RIPOR2: variants seen among roughly 807,000 people sequenced by gnomAD.
RIPOR2 encodes RHO family interacting cell polarization regulator 2.
A neutral mutation model predicts 114.5 loss-of-function variants in RIPOR2; 39 were observed. The ratio of observed to expected loss-of-function variants is 0.34; its 90% CI spans 0.26 to 0.44. RIPOR2 has a LOEUF of 0.44. RIPOR2 is among the 20% of genes least tolerant of loss of function. The pLI, the probability that RIPOR2 is intolerant of heterozygous loss-of-function variation, is 1.00. For synonymous variants in RIPOR2, 445 were observed against 484.4 expected (o/e 0.92, Z 1.07); for missense variants, 1,007 against 1,255.1 (o/e 0.80, Z 2.99).
intron 1 of RIPOR2, among the ~76,000 whole-genome samples, chr6:24,923,063 C>A (rs1228077993): frequency 6.6e-6 from 1 of 152,062 alleles, no homozygotes; most frequent in Non-Finnish European, 1.5e-5. Context: ...CTCTGGCAAC[C>A]ACCGTCTATT....
At chr6:24,930,905 A>G (rs1261043104) in intron 1 of RIPOR2, among the ~76,000 whole-genome samples, 1 of 152,226 alleles carries the variant, frequency 6.6e-6, no homozygotes. Context: ...AAGATTCAGC[A>G]TAGTTAAATA....
chr6:24,830,478 C>T (rs1760581524), intron 17 of RIPOR2, 31 bp downstream of exon 17: 1 of 1,540,390 alleles, frequency 6.5e-7, no homozygotes, highest in African/African-American at 1.4e-5. Context: ...CACTGAAGGA[C>T]AGAAATTCTC....
At position 24,925,874 on chromosome 6, in the gene RIPOR2, C is replaced by T. The variant is rs1215169484; in HGVS notation, c.61+9964G>A. ...GATTCTATTCACTCTTTCTCTGTCC[C>T]ATGTACATGTAGTATTATTATGAAG... On this transcript the variant is annotated intron_variant, in intron 1 of 21. Transcript: ENST00000643898. Among the ~76,000 whole-genome samples, 6 of 152,130 alleles carry T rather than the reference C, an allele frequency of 3.9e-5. No homozygotes were observed. The South Asian group carries it at 8.3e-4, about 21-fold the overall frequency.
chr6:24,810,589 G>A (rs150299456), intron 20 of RIPOR2, among the ~76,000 whole-genome samples: 250 of 152,254 alleles, frequency 1.6e-3, no homozygotes, highest in African/African-American at 5.2e-3. Context: ...TGGTCCTCAA[G>A]AATTTACAGT....
At chr6:25,033,738 C>T (rs532946934) in intron 1 of RIPOR2, among the ~76,000 whole-genome samples, 35 of 152,350 alleles carry the variant, frequency 2.3e-4, no homozygotes, top group South Asian at 1.4e-3. Flanking sequence ...GCTCCCAACA[C>T]ATCCTGTAGG....
intron 1 of RIPOR2, chr6:24,929,432 C>T (rs901868321): frequency 9.9e-5 from 15 of 152,194 alleles, no homozygotes; most frequent in African/African-American, 3.4e-4. Flanking sequence ...TAGCACCTGG[C>T]ACAGCCTGGA....
chr6:24,977,520 T>C (rs1388230036), intron 1 of RIPOR2, among the ~76,000 whole-genome samples: 2 of 152,174 alleles, frequency 1.3e-5, no homozygotes, highest in African/African-American at 4.8e-5. Context: ...GACCAAATAT[T>C]TATCTCCAAT....
At chr6:24,807,971 G>A (rs1780884187) in intron 21 of RIPOR2, among the ~76,000 whole-genome samples, 2 of 152,074 alleles carry the variant, frequency 1.3e-5, no homozygotes, top group Admixed American at 1.3e-4. Context: ...TTGACTTCAG[G>A]GGGGTCTCAA....
chr6:24,811,482 C>G (rs1781160524), intron 20 of RIPOR2, among the ~76,000 whole-genome samples: 1 of 151,822 alleles, frequency 6.6e-6, no homozygotes, highest in African/African-American at 2.4e-5. Flanking sequence ...AGTGATACGC[C>G]TGCCTCAGCC....
chr6:24,869,436 G>C (rs1764945164), intron 5 of RIPOR2, among the ~76,000 whole-genome samples: 1 of 151,276 alleles, frequency 6.6e-6, no homozygotes. Context: ...TCCTGCCTCA[G>C]CCTCCCAAGT....
At chr6:24,975,722 G>A (rs1238085684) in intron 1 of RIPOR2, among the ~76,000 whole-genome samples, 1 of 152,092 alleles carries the variant, frequency 6.6e-6, no homozygotes, top group Non-Finnish European at 1.5e-5. Context: ...ATTGTTCTCA[G>A]CATACAAAAA....
At chr6:24,993,547 T>C (rs1193841385) in intron 1 of RIPOR2, among the ~76,000 whole-genome samples, 2 of 152,284 alleles carry the variant, frequency 1.3e-5, no homozygotes, top group Non-Finnish European at 2.9e-5. Flanking sequence ...CTTGCCACTC[T>C]GTGCCTTTTA....
In RIPOR2 at chr6:24,870,825, T is replaced by C. The variant is rs537899812; in HGVS notation, c.447+41A>G. 1.0e-5 allele frequency: 16 copies of C among 1,552,220 alleles called. No individual in the cohort carries two copies. In the African/African-American group the frequency reaches 1.6e-4, roughly 16 times the overall value. ...CACCGTGCCCAGCAAGGATGCAGAA[T>C]TTTTTTCTTATTAGCACCCCAACAC... On this transcript the variant is annotated intron_variant, in intron 5 of 21. Transcript: ENST00000643898.
At chr6:24,876,958 T>C (rs1765836280) in intron 1 of RIPOR2, 1 of 985,068 alleles carries the variant, frequency 1.0e-6, no homozygotes, top group Admixed American at 6.2e-5. Flanking sequence ...TACCATTGTC[T>C]TAGCAGGTGA....
chr6:24,953,339 A>C (rs547264333), intron 1 of RIPOR2, among the ~76,000 whole-genome samples: 3,848 of 151,450 alleles, frequency 0.025, 132 homozygotes, highest in African/African-American at 0.086. Context: ...GCCCCCCCCC[A>C]AAAAAAATTA....
chr6:24,843,766 C>G (rs1191883040), intron 12 of RIPOR2, among the ~76,000 whole-genome samples: 1 of 143,084 alleles, frequency 7.0e-6, no homozygotes, highest in Non-Finnish European at 1.5e-5. Flanking sequence ...GAAAACAGAC[C>G]ATCAAGGACT....
At chr6:25,007,658 C>A (rs534931951) in intron 1 of RIPOR2, among the ~76,000 whole-genome samples, 7 of 151,962 alleles carry the variant, frequency 4.6e-5, no homozygotes, top group African/African-American at 1.7e-4. Flanking sequence ...ACACCTTGCA[C>A]TCTTGGCCCT....
chr6:25,014,286 A>G (rs1345396919), intron 1 of RIPOR2, among the ~76,000 whole-genome samples: 2 of 152,210 alleles, frequency 1.3e-5, no homozygotes, highest in Non-Finnish European at 2.9e-5. Context: ...TCAATGGGTC[A>G]ACTTGCAACT....
intron 19 of RIPOR2, among the ~76,000 whole-genome samples, chr6:24,821,185 T>TG (rs71730717): frequency 3.3e-5 from 1 of 30,184 alleles, no homozygotes; most frequent in African/African-American, 1.2e-4. Flanking sequence ...TTTAACACTG[T>TG]TTTTTTTTTT....
Sources: allele counts gnomAD v4.1 joint callset (sites outside exome capture counted in the v4.1 genomes callset), GRCh38; gene constraint gnomAD v4.1.1; transcripts MANE v1.5; gene names NCBI Gene and HGNC (gene_info 2026-07-23, HGNC 2026-07-21).